NLGN1: variants seen among roughly 807,000 people sequenced by gnomAD.
NLGN1 encodes the protein neuroligin-1.
NLGN1 carries 12 observed loss-of-function variants against 65.5 expected under a neutral mutation model. The ratio of observed to expected loss-of-function variants is 0.18; its 90% confidence interval spans 0.12 to 0.30. The LOEUF (loss-of-function observed/expected upper bound fraction) is 0.30. Among genes scored for constraint, NLGN1 ranks in the 10% least tolerant of loss-of-function variants. The pLI, the probability that NLGN1 is intolerant of heterozygous loss-of-function variation, is 1.00. For missense variants in NLGN1, 750 were observed against 1,007.1 expected, an observed-to-expected ratio of 0.74 and a Z score of 3.46; for synonymous variants, 350 against 359.5, an observed-to-expected ratio of 0.97 and a Z score of 0.30.
At chr3:173,865,827 C>G (rs183436541) in intron 4 of NLGN1, among the ~76,000 whole-genome samples, 2 of 152,114 alleles carry the variant, frequency 1.3e-5, no homozygotes, top group Non-Finnish European at 2.9e-5. Context: ...GAAGAGAGAT[C>G]GCTCTTTGGG....
intron 1 of NLGN1, among the ~76,000 whole-genome samples, chr3:173,414,680 A>T (rs1367964250): frequency 1.3e-5 from 2 of 152,140 alleles, no homozygotes; most frequent in Non-Finnish European, 2.9e-5. Flanking sequence ...TTTAATAGTA[A>T]AACCCTTGAA....
At chr3:173,689,021 T>C (rs1261684794) in intron 3 of NLGN1, among the ~76,000 whole-genome samples, 3 of 152,188 alleles carry the variant, frequency 2.0e-5, no homozygotes, top group Non-Finnish European at 4.4e-5. Context: ...CTGCCGCTAA[T>C]GTCATTTATG....
At chr3:173,921,069 T>A (rs1239986538) in intron 4 of NLGN1, among the ~76,000 whole-genome samples, 1 of 151,140 alleles carries the variant, frequency 6.6e-6, no homozygotes, top group East Asian at 1.9e-4. Context: ...GGGATTTAAA[T>A]GAGTTAAACC....
intron 3 of NLGN1, among the ~76,000 whole-genome samples, chr3:173,694,903 G>A (rs1387392298): frequency 6.6e-6 from 1 of 152,152 alleles, no homozygotes; most frequent in Admixed American, 6.5e-5. Flanking sequence ...CCCACTACCA[G>A]CCCTCCACTG....
chr3:173,956,626 C>G (rs1712119783), intron 4 of NLGN1, among the ~76,000 whole-genome samples: 1 of 152,100 alleles, frequency 6.6e-6, no homozygotes, highest in African/African-American at 2.4e-5. Context: ...TTGCTTCCTG[C>G]CACTGTATGG....
chr3:173,829,731 T>C (rs1000121374), intron 4 of NLGN1, among the ~76,000 whole-genome samples: 4 of 152,210 alleles, frequency 2.6e-5, no homozygotes, highest in Non-Finnish European at 5.9e-5. Context: ...GACCAACATC[T>C]GTGCTCTGGT....
At chr3:173,745,339 C>T (rs1342956407) in intron 3 of NLGN1, among the ~76,000 whole-genome samples, 1 of 152,080 alleles carries the variant, frequency 6.6e-6, no homozygotes, top group African/African-American at 2.4e-5. Flanking sequence ...TGTTACCAGA[C>T]ATCATTTTTT....
intron 2 of NLGN1, among the ~76,000 whole-genome samples, chr3:173,502,167 C>A (rs1483086386): frequency 6.6e-6 from 1 of 152,084 alleles, no homozygotes; most frequent in African/African-American, 2.4e-5. Flanking sequence ...TGACAACAAT[C>A]AACTCTATTA....
chr3:173,654,273 G>A (rs746218222), intron 3 of NLGN1, among the ~76,000 whole-genome samples: 5 of 151,930 alleles, frequency 3.3e-5, no homozygotes, highest in Admixed American at 6.6e-5. Flanking sequence ...TAAAAATAAC[G>A]TTTAGAGGAT....
In NLGN1 at chr3:173,678,250, G is replaced by A. The variant is rs192429652; in HGVS notation, c.493+73159G>A. ...TGCTGTTTATCTGGATTTGTTCTATGTACTAGGAAGACTAAGATGAATATG... is the reference window on the plus strand; with the variant it reads ...TGCTGTTTATCTGGATTTGTTCTATATACTAGGAAGACTAAGATGAATATG... On this transcript the variant is annotated intron_variant, in intron 3 of 6. Transcript: ENST00000457714. Among the ~76,000 whole-genome samples, 261 of 152,156 alleles carry A rather than the reference G, an allele frequency of 1.7e-3. 2 individuals are homozygous for A. The highest frequency in any genetic ancestry group is 6.0e-3 in the African/African-American group (250 of 41,526).
chr3:173,399,845 A>G (rs1407063143), intron 1 of NLGN1: 1 of 152,210 alleles, frequency 6.6e-6, no homozygotes, highest in Admixed American at 6.5e-5. Flanking sequence ...AATTTTTCAC[A>G]TACATTTTAA....
chr3:173,576,270 C>G (rs1745481628), intron 2 of NLGN1, among the ~76,000 whole-genome samples: 1 of 152,050 alleles, frequency 6.6e-6, no homozygotes, highest in Admixed American at 6.5e-5. Flanking sequence ...ATGGGCAGCA[C>G]TGATTATTTC....
intron 4 of NLGN1, among the ~76,000 whole-genome samples, chr3:173,844,642 G>A (rs1179158822): frequency 6.6e-6 from 1 of 152,202 alleles, no homozygotes; most frequent in Non-Finnish European, 1.5e-5. Flanking sequence ...TCTGCATTTA[G>A]AGTTCTTGAT....
At chr3:173,889,171 G>A (rs779641051) in intron 4 of NLGN1, among the ~76,000 whole-genome samples, 3 of 152,042 alleles carry the variant, frequency 2.0e-5, no homozygotes, top group Non-Finnish European at 2.9e-5. Flanking sequence ...GCATGAAAGT[G>A]GGCCATGAGA....
intron 4 of NLGN1, among the ~76,000 whole-genome samples, chr3:174,181,806 CATAT>C (rs369991562): frequency 1.8e-5 from 2 of 109,762 alleles, no homozygotes; most frequent in African/African-American, 3.6e-5. Context: ...CACACACACA[CATAT>C]GTATGTACAC....
intron 4 of NLGN1, among the ~76,000 whole-genome samples, chr3:174,147,350 C>T (rs1454082148): frequency 1.4e-5 from 2 of 147,746 alleles, no homozygotes; most frequent in African/African-American, 5.0e-5. Context: ...GGTGTAGGTC[C>T]ATTGTTGCCA....
chr3:174,169,620 G>A (rs1728152439), intron 4 of NLGN1, among the ~76,000 whole-genome samples: 1 of 152,116 alleles, frequency 6.6e-6, no homozygotes, highest in African/African-American at 2.4e-5. Context: ...CCAGATGCCT[G>A]AATTTCTGCC....
At chr3:173,992,255 C>A (rs570899269) in intron 4 of NLGN1, among the ~76,000 whole-genome samples, 1 of 152,128 alleles carries the variant, frequency 6.6e-6, no homozygotes, top group Non-Finnish European at 1.5e-5. Context: ...GAACTCTGAT[C>A]CTTTAAATTA....
chr3:173,628,516 T>G (rs1755155294), intron 3 of NLGN1, among the ~76,000 whole-genome samples: 1 of 152,056 alleles, frequency 6.6e-6, no homozygotes, highest in Non-Finnish European at 1.5e-5. Context: ...GTTTTACATA[T>G]ATATTAAATC....
Sources: allele counts gnomAD v4.1 joint callset (sites outside exome capture counted in the v4.1 genomes callset), GRCh38; gene constraint gnomAD v4.1.1; transcripts MANE v1.5; gene names NCBI Gene and HGNC (gene_info 2026-07-23, HGNC 2026-07-21).